BDH2: variants seen among roughly 807,000 people sequenced by gnomAD.
BDH2 encodes the protein 3-hydroxybutyrate dehydrogenase 2, also known as dehydrogenase/reductase SDR family member 6.
In BDH2, 24 loss-of-function variants were observed where a neutral mutation model predicts 33.2. The ratio of observed to expected loss-of-function variants is 0.72; its 90% CI spans 0.52 to 1.02. The LOEUF is 1.02. Ranked by LOEUF, BDH2 falls within the 50% of genes least tolerant of loss-of-function variation. The pLI, the probability that BDH2 is intolerant of heterozygous loss-of-function variation, is 0.00. For synonymous variants in BDH2, 81 were observed against 101.6 expected (o/e 0.80, Z 1.22); for missense variants, 249 against 301.6 (o/e 0.83, Z 1.29).
intron 8 of BDH2, 75 bp from the exon 9 acceptor site, chr4:103,082,248 T>G: frequency 7.6e-7 from 1 of 1,317,542 alleles, no homozygotes; most frequent in Non-Finnish European, 1.1e-6. Flanking sequence ...GTTCAAGGAG[T>G]TAAAGGCAAG....
chr4:103,085,560 G>A (rs1747741536), intron 6 of BDH2, 98 bp from the exon 7 acceptor site: 7 of 1,420,646 alleles, frequency 4.9e-6, no homozygotes, highest in African/African-American at 1.4e-5. Flanking sequence ...CCATTTTCAT[G>A]CTTTCTCCCA....
intron 2 of BDH2, 94 bp downstream of exon 2, chr4:103,096,089 C>A: frequency 2.4e-6 from 2 of 831,164 alleles, no homozygotes; most frequent in Non-Finnish European, 3.7e-6. Flanking sequence ...AATAAAAAAG[C>A]AGAGCAGAAG....
chr4:103,089,386 C>T (rs1416504031), intron 5 of BDH2, among the ~76,000 whole-genome samples: 3 of 152,176 alleles, frequency 2.0e-5, no homozygotes, highest in South Asian at 4.1e-4. Flanking sequence ...GAGTCCAAGA[C>T]CAGGATTCGA....
chr4:103,096,138 C>T, intron 2 of BDH2, 45 bp downstream of exon 2: 1 of 1,433,148 alleles, frequency 7.0e-7, no homozygotes, highest in South Asian at 1.2e-5. Context: ...TTCAATATGT[C>T]AAGAGTTAGT....
At chr4:103,086,666 C>A (rs1180114329) in intron 5 of BDH2, 126 bp from the exon 6 acceptor site, 3 of 1,218,814 alleles carry the variant, frequency 2.5e-6, no homozygotes, top group African/African-American at 3.1e-5. Context: ...TAGCTAGTCA[C>A]ATTAAGCACT....
intron 9 of BDH2, among the ~76,000 whole-genome samples, chr4:103,079,994 G>C (rs995058593): frequency 6.6e-6 from 1 of 152,154 alleles, no homozygotes; most frequent in Non-Finnish European, 1.5e-5. Flanking sequence ...GTCACTGTTA[G>C]GTATTTGGTC....
At chr4:103,086,707 A>G (rs1275067291) in intron 5 of BDH2, among the ~76,000 whole-genome samples, 167 bp from the exon 6 acceptor site, 2 of 152,144 alleles carry the variant, frequency 1.3e-5, no homozygotes, top group African/African-American at 4.8e-5. Context: ...AACCCAAAAC[A>G]CCTCATCAAC....
At position 103,096,248 on chromosome 4, in the gene BDH2, G is replaced by T; in HGVS notation, c.7C>A (p.Arg3=). The change falls in exon 2 of 10, where the codon CGA becomes AGA. Residue 3 remains arginine (R), a synonymous_variant. Coordinates refer to ENST00000296424, the MANE Select transcript of BDH2 (RefSeq NM_020139.4). ...AGGATGATGACTTTCCCATCAAGTC[G>T]ACCCATAATGGAACCTGTGGTTTAA... MG[R]LDGKVIILTA... The T allele has an allele frequency of 6.2e-7, 1 of 1,613,480 alleles. No homozygotes were observed. The highest frequency in any genetic ancestry group is 1.1e-5 in the South Asian group (1 of 90,990).
intron 6 of BDH2, chr4:103,086,075 G>T (rs1747766327): frequency 1.8e-6 from 2 of 1,120,132 alleles, no homozygotes; most frequent in East Asian, 7.0e-5. Context: ...ACAAACCTCT[G>T]TTATATATCA....
At chr4:103,092,573 A>C (rs770220270) in intron 4 of BDH2, 27 bp downstream of exon 4, 1 of 1,495,468 alleles carries the variant, frequency 6.7e-7, no homozygotes, top group South Asian at 1.2e-5. Context: ...TCTGTAAGGA[A>C]AGTGAAACTA....
intron 6 of BDH2, 139 bp from the exon 7 acceptor site, chr4:103,085,601 A>G: frequency 2.7e-6 from 4 of 1,456,088 alleles, no homozygotes; most frequent in Non-Finnish European, 3.7e-6. Flanking sequence ...GATTGATATC[A>G]GATTTTTTTC....
At chr4:103,083,994 A>C (rs1206282034) in intron 7 of BDH2, among the ~76,000 whole-genome samples, 1 of 152,210 alleles carries the variant, frequency 6.6e-6, no homozygotes, top group Non-Finnish European at 1.5e-5. Context: ...CACCCAGTTC[A>C]TTAGGAACAT....
intron 9 of BDH2, among the ~76,000 whole-genome samples, chr4:103,080,875 A>AT (rs371575467): frequency 5.2e-4 from 79 of 152,318 alleles, no homozygotes; most frequent in African/African-American, 1.8e-3. Context: ...TTCATTAAAC[A>AT]TTTGTCTATT....
intron 4 of BDH2, chr4:103,091,886 C>T (rs992761594): frequency 2.5e-6 from 1 of 407,154 alleles, no homozygotes; most frequent in Non-Finnish European, 4.8e-6. Context: ...AGTGTCTGAA[C>T]ATCTCAGAGC....
At chr4:103,098,398 GC>G (rs891434211) in intron 1 of BDH2, among the ~76,000 whole-genome samples, 16 of 152,302 alleles carry the variant, frequency 1.1e-4, no homozygotes, top group African/African-American at 2.2e-4. Context: ...GGTACTCAAA[GC>G]CCTGCGGGCC....
chr4:103,090,625 A>C (rs533166414), intron 5 of BDH2, among the ~76,000 whole-genome samples: 1 of 152,190 alleles, frequency 6.6e-6, no homozygotes, highest in Non-Finnish European at 1.5e-5. Flanking sequence ...CATCTTCTGA[A>C]CAATGGATGA....
At chr4:103,091,545 T>C in intron 4 of BDH2, 1 of 390,008 alleles carries the variant, frequency 2.6e-6, no homozygotes, top group Non-Finnish European at 4.9e-6. Flanking sequence ...TTATATTAAT[T>C]GTGCTGGAAA....
intron 4 of BDH2, among the ~76,000 whole-genome samples, chr4:103,092,070 C>A (rs1405171180): frequency 1.3e-5 from 2 of 152,128 alleles, no homozygotes; most frequent in Non-Finnish European, 2.9e-5. Context: ...GTCCTCTGGA[C>A]CCAAATTATG....
At chr4:103,079,812 T>C in intron 9 of BDH2, 57 bp from the exon 10 acceptor site, 16 of 1,541,382 alleles carry the variant, frequency 1.0e-5, no homozygotes, top group Non-Finnish European at 1.4e-5. Context: ...ACAGGCTGTA[T>C]TTTGAAATTT....
Sources: gnomAD v4.1 joint callset for allele counts (sites outside exome capture counted in the v4.1 genomes callset) on GRCh38, gnomAD v4.1.1 for gene constraint, MANE v1.5 for transcripts, NCBI Gene and HGNC (gene_info 2026-07-23, HGNC 2026-07-21) for gene names.